TMEM230: variants seen among roughly 807,000 people sequenced by gnomAD.
The protein encoded by TMEM230 is transmembrane protein 230, also known as UPF0414 transmembrane protein C20orf30.
In TMEM230, 10 loss-of-function variants were observed where a neutral mutation model predicts 15.8. The ratio of observed to expected loss-of-function variants is 0.63; its 90% CI spans 0.39 to 1.07. TMEM230 has a LOEUF of 1.07. Among genes scored for constraint, TMEM230 ranks in the 50% least tolerant of loss-of-function variants. TMEM230 has a pLI of 0.01. For missense variants in TMEM230, 165 were observed against 193.3 expected, an observed-to-expected ratio of 0.85 and a Z score of 0.87; for synonymous variants, 67 against 76.9, an observed-to-expected ratio of 0.87 and a Z score of 0.68.
intron 3 of TMEM230, among the ~76,000 whole-genome samples, chr20:5,076,337 C>T (rs180699504): frequency 2.8e-4 from 43 of 152,022 alleles, no homozygotes; most frequent in African/African-American, 9.4e-4. Flanking sequence ...GTCAGGAGTT[C>T]GAGACCATCC....
chr20:5,112,932 G>A (rs1481000402), intron 1 of TMEM230, 29 bp downstream of exon 1: 3 of 1,549,462 alleles, frequency 1.9e-6, no homozygotes, highest in Admixed American at 2.0e-5. Context: ...GGACGGTTCT[G>A]TCCCCGCCCT....
At chr20:5,102,088 T>G (rs890965528) in intron 4 of TMEM230, among the ~76,000 whole-genome samples, 4 of 152,200 alleles carry the variant, frequency 2.6e-5, no homozygotes, top group African/African-American at 9.7e-5. Flanking sequence ...GCAAACTGTC[T>G]AATATCTCAG....
chr20:5,101,973 G>T (rs2089887920), intron 4 of TMEM230, among the ~76,000 whole-genome samples: 1 of 152,328 alleles, frequency 6.6e-6, no homozygotes, highest in East Asian at 1.9e-4. Context: ...GTATGTCCAT[G>T]GCACTGCACA....
At chr20:5,094,087 T>A in intron 3 of TMEM230, among the ~76,000 whole-genome samples, 1 of 151,706 alleles carries the variant, frequency 6.6e-6, no homozygotes, top group East Asian at 2.0e-4. Flanking sequence ...GCCTCCTGAG[T>A]AGCTGGGATT....
downstream of TMEM230, among the ~76,000 whole-genome samples, chr20:5,064,651 T>C (rs553020181): frequency 6.6e-6 from 1 of 151,632 alleles, no homozygotes; most frequent in South Asian, 2.1e-4. Flanking sequence ...GCAAAATAAG[T>C]CCAAAGGAAG....
At chr20:5,111,727 C>A in intron 1 of TMEM230, 1 of 944,586 alleles carries the variant, frequency 1.1e-6, no homozygotes, top group Non-Finnish European at 1.3e-6. Context: ...TAAAATTCAT[C>A]ATTATCATCA....
At chr20:5,068,969 A>G in exon 4 of TMEM230, 1 of 512,190 alleles carries the variant, frequency 2.0e-6, no homozygotes, top group Non-Finnish European at 3.5e-6. Context: ...CATTCTCACC[A>G]TTCACAAGAG....
chr20:5,096,783 A>G (rs1175048641), downstream of TMEM230, among the ~76,000 whole-genome samples: 1 of 152,164 alleles, frequency 6.6e-6, no homozygotes, highest in Non-Finnish European at 1.5e-5. Flanking sequence ...CCATACCTCA[A>G]AGGAACATGG....
rs148342490 is a variant in TMEM230, at chr20:5,071,088, T to G, written c.223-1739A>C. Among the ~76,000 whole-genome samples, 739 of 152,316 alleles carry G rather than the reference T, an allele frequency of 4.9e-3. 5 individuals are homozygous for G. The highest frequency in any genetic ancestry group is 0.017 in the African/African-American group (713 of 41,576). On this transcript the variant is annotated intron_variant, in intron 3 of 3. Coordinates refer to the TMEM230 transcript ENST00000612323. ...GGAGTAGTTGTCCGAGGGTACTCAA[T>G]ACTCAAGAGTCAGCTGATCATGTCC...
chr20:5,097,969 ATTTTTTTTTTTTT>A (rs5840073), downstream of TMEM230, among the ~76,000 whole-genome samples: 3 of 67,242 alleles, frequency 4.5e-5, no homozygotes, highest in Admixed American at 4.6e-4. Context: ...CTAACTCAGG[ATTTTTTTTTTTTT>A]TTTTTTTTTT....
At chr20:5,091,374 C>T (rs1238761333) in intron 3 of TMEM230, among the ~76,000 whole-genome samples, 1 of 152,076 alleles carries the variant, frequency 6.6e-6, no homozygotes, top group Non-Finnish European at 1.5e-5. Context: ...CTACACCTGG[C>T]TAATTTTTGT....
intron 4 of TMEM230, 71 bp downstream of exon 3, chr20:5,106,117 A>ACG (rs2090077416): frequency 1.8e-5 from 28 of 1,532,058 alleles, no homozygotes; most frequent in East Asian, 4.6e-5. Context: ...ACACACACAC[A>ACG]CACGCACACT....
intron 3 of TMEM230, among the ~76,000 whole-genome samples, chr20:5,093,124 G>C (rs910095002): frequency 2.0e-5 from 3 of 151,632 alleles, no homozygotes; most frequent in Non-Finnish European, 4.4e-5. Context: ...AAACCTGTTA[G>C]AACTAAATAA....
chr20:5,090,150 G>GA (rs796560088), intron 3 of TMEM230, among the ~76,000 whole-genome samples: 5 of 152,208 alleles, frequency 3.3e-5, no homozygotes, highest in African/African-American at 9.6e-5. Flanking sequence ...GACATCTAAT[G>GA]AAAAAATTCC....
At chr20:5,065,023 C>A (rs564277317), downstream of TMEM230, among the ~76,000 whole-genome samples, 1 of 151,944 alleles carries the variant, frequency 6.6e-6, no homozygotes, top group African/African-American at 2.4e-5. Flanking sequence ...AAAACAAAAA[C>A]CAAAAAGATA....
intron 4 of TMEM230, among the ~76,000 whole-genome samples, chr20:5,105,066 C>G (rs1473154889): frequency 6.6e-6 from 1 of 152,214 alleles, no homozygotes; most frequent in Non-Finnish European, 1.5e-5. Flanking sequence ...GGGCAGGCCG[C>G]TTGAGGTCAG....
intron 3 of TMEM230, among the ~76,000 whole-genome samples, chr20:5,086,530 C>A (rs1221299795): frequency 1.9e-5 from 2 of 105,708 alleles, no homozygotes; most frequent in African/African-American, 3.8e-5. Flanking sequence ...CAGAGCCAGA[C>A]TCTGTCTCAA....
At chr20:5,097,014 T>C (rs2089683321), downstream of TMEM230, among the ~76,000 whole-genome samples, 1 of 152,176 alleles carries the variant, frequency 6.6e-6, no homozygotes, top group South Asian at 2.1e-4. Flanking sequence ...GGCTGGAGCC[T>C]CTCTGCAATG....
At chr20:5,101,070 A>T in intron 4 of TMEM230, 139 bp from the exon 4 acceptor site, 3 of 1,072,180 alleles carry the variant, frequency 2.8e-6, no homozygotes, top group Non-Finnish European at 3.8e-6. Context: ...CCAAGGGAAA[A>T]GGTTTCCTCC....
Sources: gnomAD v4.1 joint callset for allele counts (sites outside exome capture counted in the v4.1 genomes callset) on GRCh38, gnomAD v4.1.1 for gene constraint, MANE v1.5 for transcripts, NCBI Gene and HGNC (gene_info 2026-07-23, HGNC 2026-07-21) for gene names.